The following FMNL2 variants were observed in gnomAD, a reference collection of about 807,000 sequenced individuals.
FMNL2 encodes the protein formin-like protein 2.
FMNL2 carries 51 observed loss-of-function variants against 130.2 expected under a neutral mutation model. The ratio of observed to expected loss-of-function variants is 0.39; its 90% CI spans 0.31 to 0.49. FMNL2 has a LOEUF of 0.49. Among genes scored for constraint, FMNL2 ranks in the 20% least tolerant of loss-of-function variants. FMNL2 has a pLI of 0.85. For missense variants in FMNL2, 977 were observed against 1,316.2 expected (o/e 0.74, Z 3.99); for synonymous variants, 465 against 467.1 (o/e 1.00, Z 0.06).
At chr2:152,354,076 A>G (rs894340526) in intron 1 of FMNL2, among the ~76,000 whole-genome samples, 1 of 152,194 alleles carries the variant, frequency 6.6e-6, no homozygotes, top group Admixed American at 6.5e-5. Flanking sequence ...TTCTAGAAAA[A>G]GAGACCCAGG....
chr2:152,410,616 A>C (rs1350262152), intron 1 of FMNL2, among the ~76,000 whole-genome samples: 1 of 152,200 alleles, frequency 6.6e-6, no homozygotes, highest in Non-Finnish European at 1.5e-5. Context: ...CTGTGACTTC[A>C]ATAGTGGGCC....
chr2:152,632,222 C>G (rs1580140873), intron 21 of FMNL2, 85 bp downstream of exon 21: 1 of 1,518,514 alleles, frequency 6.6e-7, no homozygotes, highest in East Asian at 2.3e-5. Flanking sequence ...AAACACTTTT[C>G]AGAACCCATT....
chr2:152,500,330 T>TG (rs1371268452), intron 1 of FMNL2, among the ~76,000 whole-genome samples: 36 of 152,256 alleles, frequency 2.4e-4, no homozygotes, highest in Admixed American at 4.6e-4. Context: ...AAAACAGGAC[T>TG]GATCCCAGGC....
intron 4 of FMNL2, among the ~76,000 whole-genome samples, chr2:152,551,766 A>C (rs1694948826): frequency 1.3e-5 from 2 of 152,238 alleles, no homozygotes; most frequent in Admixed American, 1.3e-4. Flanking sequence ...CTGTATTCCC[A>C]GTACTTTGGG....
At chr2:152,589,552 C>T (rs1260241598) in intron 9 of FMNL2, among the ~76,000 whole-genome samples, 2 of 152,246 alleles carry the variant, frequency 1.3e-5, no homozygotes, top group African/African-American at 4.8e-5. Flanking sequence ...GTACTGTTCC[C>T]TAAACATGAG....
chr2:152,519,036 G>A (rs1692928950), intron 1 of FMNL2, among the ~76,000 whole-genome samples: 1 of 152,160 alleles, frequency 6.6e-6, no homozygotes, highest in Non-Finnish European at 1.5e-5. Context: ...CTCTCTGGCT[G>A]TTCTGACTTT....
At chr2:152,352,675 A>G (rs538344006) in intron 1 of FMNL2, among the ~76,000 whole-genome samples, 4 of 152,074 alleles carry the variant, frequency 2.6e-5, no homozygotes, top group African/African-American at 9.6e-5. Context: ...ACTGTTCACT[A>G]TTGAAATAGT....
At chr2:152,344,028 G>A (rs1560282099) in intron 1 of FMNL2, among the ~76,000 whole-genome samples, 1 of 152,112 alleles carries the variant, frequency 6.6e-6, no homozygotes, top group Non-Finnish European at 1.5e-5. Flanking sequence ...GTGCATGCCT[G>A]TAGTCACAGC....
intron 1 of FMNL2, among the ~76,000 whole-genome samples, chr2:152,375,282 A>G (rs1684090289): frequency 6.6e-6 from 1 of 152,208 alleles, no homozygotes; most frequent in African/African-American, 2.4e-5. Context: ...CCTGTCCACC[A>G]TTCCCTGCTG....
chr2:152,636,861 G>A (rs1034448397), intron 22 of FMNL2, among the ~76,000 whole-genome samples: 1 of 152,078 alleles, frequency 6.6e-6, no homozygotes, highest in Non-Finnish European at 1.5e-5. Flanking sequence ...TGTGGGTGCT[G>A]TATTCAGTTC....
intron 1 of FMNL2, among the ~76,000 whole-genome samples, chr2:152,340,248 T>C (rs1045373633): frequency 6.6e-6 from 1 of 152,194 alleles, no homozygotes; most frequent in African/African-American, 2.4e-5. Context: ...CAATCTAGTC[T>C]TTCAGCAGAG....
At chr2:152,337,699 G>A (rs1275693880) in intron 1 of FMNL2, among the ~76,000 whole-genome samples, 1 of 152,124 alleles carries the variant, frequency 6.6e-6, no homozygotes, top group Admixed American at 6.5e-5. Context: ...GCTTCTTGGG[G>A]CAGGGTTGTT....
intron 1 of FMNL2, among the ~76,000 whole-genome samples, chr2:152,380,075 A>G (rs1684379953): frequency 6.6e-6 from 1 of 152,198 alleles, no homozygotes; most frequent in South Asian, 2.1e-4. Flanking sequence ...AATTGATACT[A>G]GTCATTCTCT....
chr2:152,439,828 C>CATCAGCATTTA (rs1005378017), intron 1 of FMNL2, among the ~76,000 whole-genome samples: 1 of 148,480 alleles, frequency 6.7e-6, no homozygotes, highest in African/African-American at 2.5e-5. Context: ...GGTTCTTGGG[C>CATCAGCATTTA]ATCAGCATTT....
At chr2:152,390,385 A>T in intron 1 of FMNL2, 1 of 1,075,924 alleles carries the variant, frequency 9.3e-7, no homozygotes, top group Non-Finnish European at 1.4e-6. Flanking sequence ...GAGAAGATCA[A>T]TAAGATGGAG....
intron 1 of FMNL2, among the ~76,000 whole-genome samples, chr2:152,421,502 G>A (rs946510088): frequency 6.6e-6 from 1 of 152,158 alleles, no homozygotes; most frequent in Admixed American, 6.6e-5. Flanking sequence ...CTGCAAAGGG[G>A]GAAATATAGG....
intron 1 of FMNL2, among the ~76,000 whole-genome samples, chr2:152,426,425 GT>G (rs1687207368): frequency 1.3e-5 from 2 of 152,228 alleles, no homozygotes; most frequent in African/African-American, 4.8e-5. Flanking sequence ...CTTGCTTAGA[GT>G]TTTGTTCCAA....
chr2:152,432,983 C>T (rs1687577849), intron 1 of FMNL2, among the ~76,000 whole-genome samples: 1 of 152,212 alleles, frequency 6.6e-6, no homozygotes, highest in South Asian at 2.1e-4. Flanking sequence ...CAGACCCGGG[C>T]TTGAGTTCTG....
At chr2:152,589,820 AGC>A (rs1697286631) in intron 9 of FMNL2, among the ~76,000 whole-genome samples, 1 of 151,182 alleles carries the variant, frequency 6.6e-6, no homozygotes, top group Admixed American at 6.6e-5. Flanking sequence ...TGTGTAAAGG[AGC>A]TGCTTCCCTG....
Sources: gnomAD v4.1 joint callset for allele counts (sites outside exome capture counted in the v4.1 genomes callset) on GRCh38, gnomAD v4.1.1 for gene constraint, MANE v1.5 for transcripts, NCBI Gene and HGNC (gene_info 2026-07-23, HGNC 2026-07-21) for gene names.